Variants in APBA2 observed in about 807,000 individuals in gnomAD.
The protein encoded by APBA2 is amyloid-beta A4 precursor protein-binding family A member 2.
Under a neutral mutation model 75.0 loss-of-function variants are expected in APBA2, and 30 were observed. The ratio of observed to expected loss-of-function variants is 0.40; its 90% CI spans 0.30 to 0.54. APBA2 has a LOEUF of 0.54. Among genes scored for constraint, APBA2 ranks in the 20% least tolerant of loss-of-function variants. APBA2 has a pLI of 0.49. For synonymous variants in APBA2, 444 were observed against 409.6 expected (o/e 1.08, Z -1.01); for missense variants, 801 against 1,016.1 (o/e 0.79, Z 2.88).
At position 28,923,226 on chromosome 15, in the gene APBA2, C is replaced by T. The variant is rs146624489; in HGVS notation, c.-95+1477C>T. ...CTGGCCTCCCAGACCATCTCCCCAC[C>T]GCCCCTGCCCTGCCCACTCCCCATA... On this transcript the variant is annotated intron_variant, in intron 2 of 14. Transcript: ENST00000683413. 7.9e-4 allele frequency among the ~76,000 whole-genome samples: 120 copies of T among 152,256 alleles called. 1 individual carries two copies. In the East Asian group the frequency reaches 0.014, roughly 18 times the overall value.
chr15:28,908,041 C>T (rs1227640782), intron 1 of APBA2, among the ~76,000 whole-genome samples: 1 of 152,218 alleles, frequency 6.6e-6, no homozygotes, highest in Non-Finnish European at 1.5e-5. Flanking sequence ...CACCTCTGTC[C>T]TCTGTGAAGT....
At chr15:29,053,399 G>C (rs947294059) in intron 3 of APBA2, among the ~76,000 whole-genome samples, 5 of 152,150 alleles carry the variant, frequency 3.3e-5, no homozygotes, top group African/African-American at 1.2e-4. Flanking sequence ...AGTCTTTGAG[G>C]GGTCATGGAT....
At chr15:29,091,524 G>A (rs898329904) in intron 6 of APBA2, among the ~76,000 whole-genome samples, 1 of 152,164 alleles carries the variant, frequency 6.6e-6, no homozygotes, top group African/African-American at 2.4e-5. Context: ...ATAGATGAGA[G>A]TTGTGAGGTT....
chr15:29,085,393 C>T (rs987151389), intron 6 of APBA2, among the ~76,000 whole-genome samples: 5 of 151,740 alleles, frequency 3.3e-5, no homozygotes, highest in Admixed American at 6.6e-5. Flanking sequence ...GGCGTGGTGG[C>T]GGGCGCCTAT....
chr15:28,941,432 C>T (rs910800870), intron 2 of APBA2, among the ~76,000 whole-genome samples: 1 of 150,364 alleles, frequency 6.7e-6, no homozygotes, highest in Non-Finnish European at 1.5e-5. Flanking sequence ...CTTCAGGCAC[C>T]TGGCCATCAA....
intron 4 of APBA2, among the ~76,000 whole-genome samples, chr15:29,062,084 G>C (rs2042152261): frequency 6.6e-6 from 1 of 152,146 alleles, no homozygotes; most frequent in African/African-American, 2.4e-5. Context: ...GCTGAGGGCA[G>C]GGGGTTATGG....
At chr15:28,993,040 T>A (rs748898824) in intron 2 of APBA2, among the ~76,000 whole-genome samples, 1 of 151,906 alleles carries the variant, frequency 6.6e-6, no homozygotes, top group Non-Finnish European at 1.5e-5. Context: ...AGGAAGAGGA[T>A]GGAGTGATGT....
intron 1 of APBA2, among the ~76,000 whole-genome samples, chr15:28,886,681 C>T (rs2031753706): frequency 6.6e-6 from 1 of 152,168 alleles, no homozygotes; most frequent in Non-Finnish European, 1.5e-5. Context: ...CCGTGCCGGG[C>T]GGCAACTACT....
At chr15:29,107,350 C>T (rs1164421739) in intron 12 of APBA2, among the ~76,000 whole-genome samples, 2 of 152,114 alleles carry the variant, frequency 1.3e-5, no homozygotes, top group East Asian at 1.9e-4. Flanking sequence ...GAAGGGTCAC[C>T]GGCAGCTAGG....
At chr15:29,064,669 C>T (rs1361526715) in intron 4 of APBA2, among the ~76,000 whole-genome samples, 1 of 151,978 alleles carries the variant, frequency 6.6e-6, no homozygotes, top group Non-Finnish European at 1.5e-5. Context: ...GGCTTTGAGC[C>T]TGAAACAAGA....
chr15:28,893,113 G>C (rs1314179064), intron 1 of APBA2, among the ~76,000 whole-genome samples: 1 of 152,216 alleles, frequency 6.6e-6, no homozygotes, highest in Non-Finnish European at 1.5e-5. Flanking sequence ...GGAAGCTCTG[G>C]GAAGCCAGGC....
At chr15:28,960,665 T>C (rs561751103) in intron 2 of APBA2, among the ~76,000 whole-genome samples, 1 of 151,438 alleles carries the variant, frequency 6.6e-6, no homozygotes, top group South Asian at 2.1e-4. Context: ...TGGATGAAAA[T>C]GGAATGAGAA....
intron 1 of APBA2, among the ~76,000 whole-genome samples, chr15:28,920,777 A>G (rs1419326818): frequency 1.5e-4 from 23 of 152,134 alleles, no homozygotes; most frequent in Admixed American, 1.4e-3. Flanking sequence ...AGGGGTTGGG[A>G]GCAGGTGCTG....
At chr15:29,016,565 C>T (rs1404554200) in intron 3 of APBA2, among the ~76,000 whole-genome samples, 1 of 151,990 alleles carries the variant, frequency 6.6e-6, no homozygotes, top group African/African-American at 2.4e-5. Flanking sequence ...ACGTGCAGGC[C>T]TGGATTATTA....
intron 4 of APBA2, 33 bp from the exon 5 acceptor site, chr15:29,074,888 T>A: frequency 6.2e-7 from 1 of 1,607,294 alleles, no homozygotes; most frequent in Non-Finnish European, 8.5e-7. Context: ...CTCTAACATA[T>A]AAAATCACGA....
intron 2 of APBA2, among the ~76,000 whole-genome samples, chr15:28,942,489 T>C (rs1265073089): frequency 1.3e-5 from 2 of 152,176 alleles, no homozygotes; most frequent in Admixed American, 1.3e-4. Flanking sequence ...GAGGGGCGAA[T>C]GGGGAGCACA....
At chr15:29,049,579 AC>A (rs754345910) in intron 3 of APBA2, among the ~76,000 whole-genome samples, 2 of 152,124 alleles carry the variant, frequency 1.3e-5, no homozygotes, top group Non-Finnish European at 2.9e-5. Context: ...TCTCTGTCAT[AC>A]CTAAAAAATA....
At chr15:29,058,160 T>TC (rs1462516491) in intron 4 of APBA2, among the ~76,000 whole-genome samples, 1 of 150,590 alleles carries the variant, frequency 6.6e-6, no homozygotes, top group Non-Finnish European at 1.5e-5. Context: ...GTTTCCTTCT[T>TC]CCCTGTCTGG....
chr15:28,943,174 G>A (rs139953290), intron 2 of APBA2, among the ~76,000 whole-genome samples: 1 of 152,340 alleles, frequency 6.6e-6, no homozygotes, highest in Non-Finnish European at 1.5e-5. Context: ...TTTCTGGCCA[G>A]TCAGGCTGGG....
Sources: allele counts gnomAD v4.1 joint callset (sites outside exome capture counted in the v4.1 genomes callset), GRCh38; gene constraint gnomAD v4.1.1; transcripts MANE v1.5; gene names NCBI Gene and HGNC (gene_info 2026-07-23, HGNC 2026-07-21).